AGMO: variants seen among roughly 807,000 people sequenced by gnomAD.
AGMO encodes glyceryl-ether monooxygenase.
Under a neutral mutation model 60.2 loss-of-function variants are expected in AGMO, and 75 were observed. The ratio of observed to expected loss-of-function variants is 1.25; its 90% CI spans 1.03 to 1.51. AGMO has a LOEUF of 1.51. AGMO is among the 40% of genes most tolerant of loss of function. The pLI, the probability that AGMO is intolerant of heterozygous loss-of-function variation, is 0.00. For synonymous variants in AGMO, 261 were observed against 177.1 expected, an observed-to-expected ratio of 1.47 and a Z score of -3.76; for missense variants, 763 against 525.5, an observed-to-expected ratio of 1.45 and a Z score of -4.42.
the AGMO span, among the ~76,000 whole-genome samples, chr7:15,190,246 T>C: frequency 0.13 from 17,451 of 135,568 alleles, 2,774 homozygotes; most frequent in East Asian, 0.38. Context: ...TATATATATA[T>C]ATATGCAGCA....
At chr7:15,330,546 G>T (rs760280012) in intron 12 of AGMO, among the ~76,000 whole-genome samples, 3 of 152,030 alleles carry the variant, frequency 2.0e-5, no homozygotes, top group Non-Finnish European at 4.4e-5. Context: ...TGAGATTTTT[G>T]AGGTTAGGCA....
At chr7:15,323,267 C>T (rs978418846) in intron 12 of AGMO, among the ~76,000 whole-genome samples, 2 of 151,998 alleles carry the variant, frequency 1.3e-5, no homozygotes, top group East Asian at 1.9e-4. Context: ...CCTAAGAAAA[C>T]ATTTCCAATA....
chr7:15,292,406 T>C (rs888391137), intron 12 of AGMO, among the ~76,000 whole-genome samples: 2 of 152,022 alleles, frequency 1.3e-5, no homozygotes, highest in Admixed American at 6.6e-5. Context: ...GGCTGACGCG[T>C]TTGGGTGATA....
chr7:15,397,323 C>T (rs535511179), intron 5 of AGMO, among the ~76,000 whole-genome samples: 1 of 151,754 alleles, frequency 6.6e-6, no homozygotes, highest in Non-Finnish European at 1.5e-5. Context: ...AACCCGCAGC[C>T]GCCCGGAACC....
chr7:15,522,496 A>G (rs956807036), intron 3 of AGMO, among the ~76,000 whole-genome samples: 5 of 152,326 alleles, frequency 3.3e-5, no homozygotes, highest in Admixed American at 2.0e-4. Flanking sequence ...TAGTACCAAA[A>G]CAGGTATATA....
In AGMO at chr7:15,334,810, C is replaced by T. The variant is rs191073090; in HGVS notation, c.1263+30704G>A. Among the ~76,000 whole-genome samples the T allele has an allele frequency of 2.5e-3, 379 of 152,174 alleles. 8 individuals are homozygous for T. The highest frequency in any genetic ancestry group is 0.024 in the Admixed American group (360 of 15,254). On this transcript the variant is annotated intron_variant, in intron 12 of 12. Transcript: ENST00000342526. Reference sequence around the variant, plus strand: ...TCATTAAAGCTGAATTACAACATACCCATGGCGTGTTTTCCATGTGTGCTA... The same window carrying T: ...TCATTAAAGCTGAATTACAACATACTCATGGCGTGTTTTCCATGTGTGCTA...
chr7:15,124,626 G>C, the AGMO span, among the ~76,000 whole-genome samples: 1 of 152,056 alleles, frequency 6.6e-6, no homozygotes, highest in Admixed American at 6.6e-5. Flanking sequence ...GCTAGAGATG[G>C]TGTTGTCCTC....
At chr7:15,542,666 G>A (rs1419208503) in intron 3 of AGMO, among the ~76,000 whole-genome samples, 3 of 152,134 alleles carry the variant, frequency 2.0e-5, no homozygotes, top group South Asian at 2.1e-4. Context: ...GAAGATTGCC[G>A]ATGAGTTTAT....
the AGMO span, among the ~76,000 whole-genome samples, chr7:15,177,984 T>C: frequency 6.6e-6 from 1 of 152,180 alleles, no homozygotes; most frequent in Non-Finnish European, 1.5e-5. Flanking sequence ...CAATAAATAG[T>C]CAATTATTCC....
intron 3 of AGMO, among the ~76,000 whole-genome samples, chr7:15,432,775 T>C (rs997092763): frequency 1.3e-5 from 2 of 151,980 alleles, no homozygotes; most frequent in African/African-American, 4.8e-5. Context: ...TTCACCATAA[T>C]GACCTCTAAA....
At chr7:15,128,698 C>A in the AGMO span, among the ~76,000 whole-genome samples, 1 of 151,762 alleles carries the variant, frequency 6.6e-6, no homozygotes, top group African/African-American at 2.4e-5. Flanking sequence ...TAATCTATGC[C>A]CCAGAAATAA....
At chr7:15,362,865 G>A (rs1170904506) in intron 12 of AGMO, among the ~76,000 whole-genome samples, 1 of 152,146 alleles carries the variant, frequency 6.6e-6, no homozygotes. Context: ...AAGGCTTGAG[G>A]TAGATGAGTA....
At chr7:15,388,590 CTTAT>C (rs959691665) in intron 8 of AGMO, among the ~76,000 whole-genome samples, 5 of 152,090 alleles carry the variant, frequency 3.3e-5, no homozygotes, top group African/African-American at 9.7e-5. Flanking sequence ...TTGTTTTTCA[CTTAT>C]TTATTTCCCA....
intron 12 of AGMO, among the ~76,000 whole-genome samples, chr7:15,348,005 C>CA (rs1782095809): frequency 6.6e-6 from 1 of 152,022 alleles, no homozygotes; most frequent in South Asian, 2.1e-4. Context: ...CTCTTGATCT[C>CA]AAAGACATTT....
chr7:15,468,469 A>G (rs1782350278), intron 3 of AGMO, among the ~76,000 whole-genome samples: 1 of 152,110 alleles, frequency 6.6e-6, no homozygotes, highest in Admixed American at 6.6e-5. Context: ...ATGTACATGT[A>G]TAACACATAG....
At chr7:15,395,185 T>C (rs1489408285) in intron 5 of AGMO, among the ~76,000 whole-genome samples, 1 of 152,208 alleles carries the variant, frequency 6.6e-6, no homozygotes, top group Non-Finnish European at 1.5e-5. Flanking sequence ...TTTTAAGACA[T>C]GACTCACTTT....
chr7:15,149,387 G>C, the AGMO span, among the ~76,000 whole-genome samples: 8 of 151,990 alleles, frequency 5.3e-5, no homozygotes, highest in Non-Finnish European at 1.2e-4. Flanking sequence ...TGAAATCCTT[G>C]CCAAGGCCTA....
At chr7:15,488,175 G>A (rs904051313) in intron 3 of AGMO, among the ~76,000 whole-genome samples, 9 of 152,180 alleles carry the variant, frequency 5.9e-5, no homozygotes, top group African/African-American at 2.2e-4. Flanking sequence ...TTCAACCTGA[G>A]CTTTTCAGCT....
the AGMO span, among the ~76,000 whole-genome samples, chr7:15,181,200 G>A: frequency 2.0e-5 from 3 of 152,154 alleles, no homozygotes; most frequent in Non-Finnish European, 4.4e-5. Context: ...ATTATTCACA[G>A]TTCATTAGAG....
Sources: gnomAD v4.1 joint callset for allele counts (sites outside exome capture counted in the v4.1 genomes callset) on GRCh38, gnomAD v4.1.1 for gene constraint, MANE v1.5 for transcripts, NCBI Gene and HGNC (gene_info 2026-07-23, HGNC 2026-07-21) for gene names.